Variants in SEC23A observed in about 807,000 individuals in gnomAD.
SEC23A encodes protein transport protein Sec23A.
In SEC23A, 56 loss-of-function variants were observed where a neutral mutation model predicts 103.7. That is an observed-to-expected ratio of 0.54 (90% CI 0.44 to 0.67). SEC23A has a LOEUF of 0.67. SEC23A is among the 30% of genes least tolerant of loss of function. SEC23A has a pLI of 0.00. For synonymous variants in SEC23A, 281 were observed against 293.0 expected, an observed-to-expected ratio of 0.96 and a Z score of 0.42; for missense variants, 784 against 936.4, an observed-to-expected ratio of 0.84 and a Z score of 2.12.
chr14:39,075,765 A>T (rs546065028), intron 8 of SEC23A, among the ~76,000 whole-genome samples, 170 bp downstream of exon 8: 2 of 152,376 alleles, frequency 1.3e-5, no homozygotes, highest in Admixed American at 6.5e-5. Context: ...AACCAGAAAC[A>T]TTACAACAAA....
intron 14 of SEC23A, 60 bp from the exon 15 acceptor site, chr14:39,048,789 C>T (rs2139200047): frequency 1.1e-6 from 1 of 881,300 alleles, no homozygotes; most frequent in East Asian, 2.5e-5. Context: ...ACACTGTTGC[C>T]TATAAATATT....
intron 2 of SEC23A, chr14:39,094,788 G>T (rs1038707408): frequency 2.4e-5 from 12 of 502,276 alleles, no homozygotes; most frequent in Admixed American, 3.8e-5. Context: ...GTATGTTCAA[G>T]AATCAGAAAG....
chr14:39,088,299 G>GA (rs1271090520), intron 5 of SEC23A: 1 of 152,142 alleles, frequency 6.6e-6, no homozygotes, highest in Admixed American at 6.6e-5. Flanking sequence ...CTTGCCTATT[G>GA]AAAAAAGGAA....
At chr14:39,052,596 G>GA in intron 14 of SEC23A, among the ~76,000 whole-genome samples, 1 of 152,204 alleles carries the variant, frequency 6.6e-6, no homozygotes, top group East Asian at 1.9e-4. Flanking sequence ...TGGCAAAATG[G>GA]AAAAAGCCCT....
At chr14:39,047,293 C>T in intron 15 of SEC23A, 1 of 749,926 alleles carries the variant, frequency 1.3e-6, no homozygotes, top group Non-Finnish European at 1.9e-6. Context: ...TAGTCAAATA[C>T]TTAGGCTAAT....
intron 7 of SEC23A, among the ~76,000 whole-genome samples, chr14:39,077,025 GA>G (rs1057096789): frequency 1.3e-5 from 2 of 151,762 alleles, no homozygotes; most frequent in Non-Finnish European, 2.9e-5. Flanking sequence ...GCAAGAGTTT[GA>G]AACCAGTCTG....
rs560189480 is a variant in SEC23A, at chr14:39,092,862, T to A, written c.280-235A>T. 74 of 507,072 alleles carry A rather than the reference T, an allele frequency of 1.5e-4. No homozygotes were observed. The South Asian group carries it at 1.7e-3, about 11-fold the overall frequency. 31.4% of individuals were successfully genotyped at this position (507,072 alleles called of 1,614,324 possible). A position where few individuals can be genotyped will look rare whatever the true frequency, so the allele number is the denominator to read the frequency against. ...GTTTTTTTTCATTTGTTTGTTTGTT[T>A]GTTTTGTTTGTTTGTTTTTGAGACG... is the stretch of plus-strand genomic sequence containing the variant. On this transcript the variant is annotated intron_variant, in intron 3 of 19. Coordinates refer to ENST00000307712, the MANE Select transcript of SEC23A (RefSeq NM_006364.4).
chr14:39,100,309 A>G (rs1330944049), intron 1 of SEC23A, among the ~76,000 whole-genome samples: 3 of 152,106 alleles, frequency 2.0e-5, no homozygotes, highest in South Asian at 4.1e-4. Context: ...CCATAGTAGG[A>G]GTCATGCAAT....
intron 4 of SEC23A, 40 bp downstream of exon 4, chr14:39,092,501 A>G (rs1887696510): frequency 8.5e-7 from 1 of 1,172,648 alleles, no homozygotes; most frequent in African/African-American, 1.5e-5. Flanking sequence ...TTCAGTATAA[A>G]TTTTAAAACT....
At chr14:39,069,560 A>G (rs7155400) in intron 9 of SEC23A, among the ~76,000 whole-genome samples, 5,271 of 152,174 alleles carry the variant, frequency 0.035, 329 homozygotes, top group African/African-American at 0.12. Flanking sequence ...CCCAAGCTCC[A>G]GCAATCCTCC....
At chr14:39,070,838 C>T (rs1886818105) in intron 9 of SEC23A, among the ~76,000 whole-genome samples, 1 of 152,124 alleles carries the variant, frequency 6.6e-6, no homozygotes, top group African/African-American at 2.4e-5. Context: ...ACTAGCCTGA[C>T]CAACATGGTG....
In SEC23A at chr14:39,086,571, A is replaced by AAGAT. The variant is rs563089749; in HGVS notation, c.683+354_683+357dup. Among the ~76,000 whole-genome samples, 370 of 152,254 alleles carry AAGAT rather than the reference A, an allele frequency of 2.4e-3. 1 individual carries two copies. Among genetic ancestry groups the AAGAT allele is most frequent in the African/African-American group, 7.6e-3 (315 of 41,562 alleles). On this transcript the variant is annotated intron_variant, in intron 6 of 19. Transcript: ENST00000307712. ...TGGGAGGCGGAAGTTGTAGTGAGCC[A>AAGAT]AGATCATGCCACTGCACTCCAGAAA...
intron 5 of SEC23A, chr14:39,087,664 C>T (rs1042955030): frequency 3.3e-5 from 5 of 152,430 alleles, no homozygotes; most frequent in Admixed American, 6.5e-5. Context: ...TTTCTTGAAT[C>T]TAGAAATGCT....
intron 11 of SEC23A, 123 bp from the exon 12 acceptor site, chr14:39,063,536 T>C (rs764428000): frequency 5.0e-5 from 31 of 615,106 alleles, no homozygotes; most frequent in Non-Finnish European, 8.2e-5. Flanking sequence ...AATTCAACAA[T>C]GTTAAGAGCT....
intron 16 of SEC23A, among the ~76,000 whole-genome samples, chr14:39,043,104 G>A (rs1885705140): frequency 6.6e-6 from 1 of 152,068 alleles, no homozygotes; most frequent in Non-Finnish European, 1.5e-5. Context: ...AGACCCCCAA[G>A]TAGCTGGGAC....
At chr14:39,100,278 TC>T (rs1888037549) in intron 1 of SEC23A, among the ~76,000 whole-genome samples, 1 of 152,126 alleles carries the variant, frequency 6.6e-6, no homozygotes. Flanking sequence ...GCACAACACT[TC>T]CCTGACTTCC....
chr14:39,052,472 A>C (rs915565418), intron 14 of SEC23A, among the ~76,000 whole-genome samples: 3 of 152,112 alleles, frequency 2.0e-5, no homozygotes, highest in African/African-American at 7.2e-5. Context: ...AGGGACATAC[A>C]AAAAAAATCC....
At chr14:39,041,409 C>CAAAAAAAAAAAAA (rs56911438) in intron 17 of SEC23A, 8 of 14,644 alleles carry the variant, frequency 5.5e-4, no homozygotes, top group Admixed American at 1.5e-3. Context: ...AAAGAAAAAG[C>CAAAAAAAAAAAAA]AAAAAAAAAA....
intron 2 of SEC23A, among the ~76,000 whole-genome samples, chr14:39,094,428 ATATATATATATATATT>A (rs1215682326): frequency 0.053 from 2,486 of 46,638 alleles, 576 homozygotes; most frequent in Middle Eastern, 0.13. Flanking sequence ...ATATATATAT[ATATATATATATATATT>A]TTTTTTTTTT....
Sources: gnomAD v4.1 joint callset for allele counts (sites outside exome capture counted in the v4.1 genomes callset) on GRCh38, gnomAD v4.1.1 for gene constraint, MANE v1.5 for transcripts, NCBI Gene and HGNC (gene_info 2026-07-23, HGNC 2026-07-21) for gene names.